Variants in VPS8 observed in about 807,000 individuals in gnomAD.
VPS8 encodes the protein VPS8 subunit of CORVET complex, also known as vacuolar protein sorting-associated protein 8 homolog.
Under a neutral mutation model 216.4 loss-of-function variants are expected in VPS8, and 129 were observed. That is an observed-to-expected ratio of 0.60 (90% CI 0.52 to 0.69). The LOEUF is 0.69. VPS8 is among the 30% of genes least tolerant of loss of function. VPS8 has a pLI of 0.00. For synonymous variants in VPS8, 571 were observed against 565.4 expected (o/e 1.01, Z -0.14); for missense variants, 1,531 against 1,683.5 (o/e 0.91, Z 1.59).
intron 45 of VPS8, among the ~76,000 whole-genome samples, chr3:185,011,392 C>G (rs1755001307): frequency 6.6e-6 from 1 of 152,202 alleles, no homozygotes; most frequent in Non-Finnish European, 1.5e-5. Flanking sequence ...TACCAAGTAT[C>G]ATTCTTACTG....
intron 10 of VPS8, among the ~76,000 whole-genome samples, 160 bp downstream of exon 10, chr3:184,850,182 T>C (rs992621369): frequency 6.6e-6 from 1 of 152,254 alleles, no homozygotes; most frequent in African/African-American, 2.4e-5. Flanking sequence ...GAGCTGTCTT[T>C]TATTTGACTA....
At chr3:184,914,766 C>G (rs1260262819) in intron 26 of VPS8, among the ~76,000 whole-genome samples, 2 of 152,194 alleles carry the variant, frequency 1.3e-5, no homozygotes, top group Non-Finnish European at 2.9e-5. Flanking sequence ...AGCTCCCACT[C>G]AGTCACAGGA....
intron 25 of VPS8, among the ~76,000 whole-genome samples, chr3:184,904,821 A>G (rs929629528): frequency 6.6e-6 from 1 of 152,206 alleles, no homozygotes; most frequent in Non-Finnish European, 1.5e-5. Flanking sequence ...ATGAAGCCAT[A>G]TGGGCCTGGG....
intron 21 of VPS8, among the ~76,000 whole-genome samples, chr3:184,881,416 C>T (rs942310928): frequency 2.6e-5 from 4 of 152,126 alleles, no homozygotes; most frequent in Non-Finnish European, 5.9e-5. Flanking sequence ...TTCCTTCTTT[C>T]CTCCACTCAG....
At chr3:185,009,946 C>A (rs1754776700) in intron 45 of VPS8, among the ~76,000 whole-genome samples, 1 of 149,188 alleles carries the variant, frequency 6.7e-6, no homozygotes. Flanking sequence ...AGTACTTACC[C>A]ACTTATTTAC....
chr3:184,914,944 A>G (rs1737261424), intron 26 of VPS8, 37 bp from the exon 27 acceptor site: 1 of 1,590,436 alleles, frequency 6.3e-7, no homozygotes, highest in Non-Finnish European at 8.6e-7. Flanking sequence ...TATCCCCTTT[A>G]CAAGTCACCA....
intron 43 of VPS8, among the ~76,000 whole-genome samples, chr3:184,995,382 T>A (rs767025181): frequency 1.3e-5 from 2 of 152,164 alleles, no homozygotes; most frequent in Non-Finnish European, 2.9e-5. Flanking sequence ...CAGTGAAGCT[T>A]GATAACCCCT....
intron 1 of VPS8, among the ~76,000 whole-genome samples, chr3:184,823,067 C>T (rs1043645284): frequency 1.3e-5 from 2 of 152,130 alleles, no homozygotes; most frequent in African/African-American, 4.8e-5. Flanking sequence ...TACAAGGTAA[C>T]TATTCATTTC....
At chr3:184,834,487 C>G (rs1720649930) in intron 4 of VPS8, among the ~76,000 whole-genome samples, 162 bp from the exon 5 acceptor site, 1 of 151,858 alleles carries the variant, frequency 6.6e-6, no homozygotes, top group Non-Finnish European at 1.5e-5. Context: ...TACCCTAAAA[C>G]TTAAAGTATA....
At chr3:184,860,388 T>C (rs1355159641) in intron 15 of VPS8, among the ~76,000 whole-genome samples, 1 of 151,430 alleles carries the variant, frequency 6.6e-6, no homozygotes, top group Admixed American at 6.6e-5. Flanking sequence ...TATATACGTA[T>C]ATATATGTAT....
At chr3:184,832,020 G>C (rs1296571507) in intron 3 of VPS8, among the ~76,000 whole-genome samples, 2 of 152,120 alleles carry the variant, frequency 1.3e-5, no homozygotes, top group Admixed American at 1.3e-4. Flanking sequence ...TATGTGTCAG[G>C]CATTATACTA....
In VPS8 at chr3:184,854,959, G is replaced by A. The variant is rs528005632; in HGVS notation, c.1036-752G>A. 7.3e-4 allele frequency among the ~76,000 whole-genome samples: 111 copies of A among 152,268 alleles called. 2 individuals are homozygous for A. In the South Asian group the frequency reaches 0.021, roughly 29 times the overall value. ...CAGAACTCTGGCTGGTGCAGAAAGC[G>A]TTCCCTATGGTGAAGGAACTCACTT... On this transcript the variant is annotated intron_variant, in intron 13 of 47. Transcript: ENST00000625842.
intron 21 of VPS8, among the ~76,000 whole-genome samples, chr3:184,885,795 T>C (rs1229880310): frequency 1.3e-5 from 2 of 151,612 alleles, no homozygotes; most frequent in Non-Finnish European, 2.9e-5. Flanking sequence ...TTCATATTTC[T>C]TTTTTTTTCT....
At chr3:184,929,474 G>T (rs1050341082) in intron 32 of VPS8, 106 bp from the exon 33 acceptor site, 36 of 675,552 alleles carry the variant, frequency 5.3e-5, no homozygotes, top group African/African-American at 7.5e-5. Context: ...ATAAGCATGA[G>T]CCAGGACACC....
chr3:184,813,413 T>C (rs1715600164), intron 1 of VPS8, among the ~76,000 whole-genome samples: 1 of 152,216 alleles, frequency 6.6e-6, no homozygotes, highest in South Asian at 2.1e-4. Context: ...TGTCTATGTC[T>C]GCCTGTGTGG....
At chr3:185,043,865 C>T (rs1712255069) in intron 46 of VPS8, among the ~76,000 whole-genome samples, 1 of 152,202 alleles carries the variant, frequency 6.6e-6, no homozygotes, top group Non-Finnish European at 1.5e-5. Context: ...AAGTCCTACA[C>T]TGCTCCTCAC....
In VPS8 at chr3:184,930,496, T is replaced by C. The variant is rs765477365; in HGVS notation, c.2826T>C (p.Asn942=). 7 of 1,612,946 alleles carry C rather than the reference T, an allele frequency of 4.3e-6. No homozygotes were observed. Among genetic ancestry groups the C allele is most frequent in the Non-Finnish European group, 5.1e-6 (6 of 1,179,154 alleles). Residue 942 remains asparagine (N), a synonymous_variant, in exon 34 of 48, where the codon AAT becomes AAC. Transcript: ENST00000625842. The stretch of plus-strand genomic sequence containing the variant: ...AAGAAGTCTTTAATTACATTCACAA[T>C]ATCTTATCCATTCCCGGACACAGTG... ...REEEVFNYIH[N]ILSIPGHSAE...
intron 7 of VPS8, among the ~76,000 whole-genome samples, chr3:184,842,580 A>G (rs1047792977): frequency 6.6e-6 from 1 of 152,206 alleles, no homozygotes; most frequent in Non-Finnish European, 1.5e-5. Flanking sequence ...GGATTAAAAT[A>G]TGCTTGAAAG....
At chr3:184,974,698 A>G (rs984129483) in intron 40 of VPS8, among the ~76,000 whole-genome samples, 1 of 152,080 alleles carries the variant, frequency 6.6e-6, no homozygotes, top group Non-Finnish European at 1.5e-5. Context: ...TGGGCTTTAC[A>G]TTTAAGTCTT....
Sources: gnomAD v4.1 joint callset for allele counts (sites outside exome capture counted in the v4.1 genomes callset) on GRCh38, gnomAD v4.1.1 for gene constraint, MANE v1.5 for transcripts, NCBI Gene and HGNC (gene_info 2026-07-23, HGNC 2026-07-21) for gene names.